ARAP2: variants seen among roughly 807,000 people sequenced by gnomAD.
The protein encoded by ARAP2 is ArfGAP with RhoGAP domain, ankyrin repeat and PH domain 2, also known as arf-GAP with Rho-GAP domain, ANK repeat and PH domain-containing protein 2.
ARAP2 carries 148 observed loss-of-function variants against 194.5 expected under a neutral mutation model. That is an observed-to-expected ratio of 0.76 (90% CI 0.67 to 0.87). The LOEUF is 0.87. Among genes scored for constraint, ARAP2 ranks in the 40% least tolerant of loss-of-function variants. The pLI is 0.00. For missense variants in ARAP2, 2,128 were observed against 1,989.7 expected (o/e 1.07, Z -1.32); for synonymous variants, 695 against 683.5 (o/e 1.02, Z -0.26).
At chr4:36,172,043 C>A (rs1482454201) in intron 9 of ARAP2, among the ~76,000 whole-genome samples, 1 of 152,034 alleles carries the variant, frequency 6.6e-6, no homozygotes, top group East Asian at 1.9e-4. Context: ...CACAAAAATT[C>A]AGTGGGTAGA....
At chr4:36,088,835 C>G (rs996207251) in intron 28 of ARAP2, among the ~76,000 whole-genome samples, 1 of 152,118 alleles carries the variant, frequency 6.6e-6, no homozygotes, top group Non-Finnish European at 1.5e-5. Context: ...AACATATTAA[C>G]AGATGTTAAA....
rs1553861946 is a variant in ARAP2, at chr4:36,014,324, G to GATAAAGAA, written n.1056+1061_1056+1062insTTCTTTAT. Reference sequence around the variant, plus strand: ...AGAGAAGGAAGGAAAGAAAGAAAGAGAGAAAGAAAGAAAGAAAGAAAGAAA... The same window carrying GATAAAGAA: ...AGAGAAGGAAGGAAAGAAAGAAAGAGATAAAGAAAGAAAGAAAGAAAGAAAGAAAGAAA... On this transcript the variant is annotated intron_variant and non_coding_transcript_variant, in intron 8 of 12. Coordinates refer to the ARAP2 transcript ENST00000503225. Among the ~76,000 whole-genome samples the GATAAAGAA allele has an allele frequency of 3.0e-4, 33 of 109,856 alleles. 2 individuals carry two copies. The highest frequency in any genetic ancestry group is 1.3e-3 in the African/African-American group (31 of 23,592). 72.1% of individuals were successfully genotyped at this position (109,856 alleles called of 152,430 possible). A position where few individuals can be genotyped will look rare whatever the true frequency, so the allele number is the denominator to read the frequency against.
intron 12 of ARAP2, 102 bp from the exon 13 acceptor site, chr4:36,160,743 T>C (rs61799597): frequency 0.065 from 65,088 of 1,004,806 alleles, 2,353 homozygotes; most frequent in East Asian, 0.15. Flanking sequence ...TAACTTAGTA[T>C]AAAATACAGG....
At chr4:36,036,848 C>T (rs547599772) in intron 5 of ARAP2, among the ~76,000 whole-genome samples, 147 of 152,230 alleles carry the variant, frequency 9.7e-4, no homozygotes, top group Middle Eastern at 3.4e-3. Context: ...CTATTAAATA[C>T]TTACATTTTA....
chr4:36,014,298 AAGAGAAGGAAG>A (rs1715257841), intron 8 of ARAP2, among the ~76,000 whole-genome samples: 5 of 129,614 alleles, frequency 3.9e-5, no homozygotes, highest in Non-Finnish European at 6.5e-5. Context: ...AGAAAGAAAG[AAGAGAAGGAAG>A]GAAAGAAAGA....
chr4:36,010,365 A>G (rs1510655), intron 9 of ARAP2, among the ~76,000 whole-genome samples: 66,102 of 151,800 alleles, frequency 0.44, 16,117 homozygotes, highest in African/African-American at 0.67. Flanking sequence ...ATTCTATACA[A>G]CGGTCTAGTC....
At chr4:36,232,587 T>C (rs879920303) in intron 1 of ARAP2, among the ~76,000 whole-genome samples, 1 of 152,252 alleles carries the variant, frequency 6.6e-6, no homozygotes, top group African/African-American at 2.4e-5. Context: ...TAGTCCACTC[T>C]TGTCAATTAT....
chr4:36,218,814 G>T (rs1260502564), intron 2 of ARAP2, among the ~76,000 whole-genome samples: 2 of 151,660 alleles, frequency 1.3e-5, no homozygotes, highest in African/African-American at 4.8e-5. Flanking sequence ...TTGTACAAGG[G>T]GTTTATACCC....
Position 36,159,324 on chromosome 4 carries a change from G to C in ARAP2, c.2617+7C>G, listed in dbSNP as rs535642772. 1.3e-6 allele frequency: 2 copies of C among 1,592,440 alleles called. No homozygotes were observed. Among genetic ancestry groups the C allele is most frequent in the South Asian group, 1.1e-5 (1 of 88,100 alleles). ...GAGACCAGGTTAATGAAGAGACAGT[G>C]ACGAACCTGAGAATTTGTTATGGTA... is the stretch of plus-strand genomic sequence containing the variant. On this transcript the variant is annotated splice_region_variant and intron_variant, in intron 14 of 32. Coordinates refer to ENST00000303965, the MANE Select transcript of ARAP2 (RefSeq NM_015230.4).
At chr4:36,116,414 A>G (rs1721316502) in intron 25 of ARAP2, among the ~76,000 whole-genome samples, 1 of 151,890 alleles carries the variant, frequency 6.6e-6, no homozygotes, top group Non-Finnish European at 1.5e-5. Context: ...ATCAGTTACT[A>G]TATGTAAGGC....
At chr4:36,140,336 T>C (rs1011337701) in intron 19 of ARAP2, among the ~76,000 whole-genome samples, 2 of 151,798 alleles carry the variant, frequency 1.3e-5, no homozygotes, top group African/African-American at 4.8e-5. Context: ...CTTTTGTTAA[T>C]AGACATACAT....
chr4:36,226,054 C>T (rs910971688), intron 2 of ARAP2, among the ~76,000 whole-genome samples: 3 of 151,936 alleles, frequency 2.0e-5, no homozygotes, highest in Non-Finnish European at 4.4e-5. Context: ...AATTTATTTG[C>T]TCATTTTATG....
intron 5 of ARAP2, among the ~76,000 whole-genome samples, chr4:36,027,334 C>T (rs1417778344): frequency 6.6e-6 from 1 of 151,838 alleles, no homozygotes; most frequent in Admixed American, 6.6e-5. Context: ...TCCATCTAAG[C>T]CCGTGCTCCT....
chr4:36,071,484 AGAAGTCACTTCCACCAT>A (rs1470647517), intron 32 of ARAP2, among the ~76,000 whole-genome samples: 1 of 152,158 alleles, frequency 6.6e-6, no homozygotes, highest in Admixed American at 6.5e-5. Context: ...AATTAACTTG[AGAAGTCACTTCCACCAT>A]GAAGCCTTCC....
intron 21 of ARAP2, 64 bp from the exon 22 acceptor site, chr4:36,125,031 T>C: frequency 9.4e-7 from 1 of 1,067,964 alleles, no homozygotes; most frequent in Admixed American, 1.9e-5. Flanking sequence ...GATTTGTCTA[T>C]CAGCAGTATT....
At chr4:36,169,594 G>A (rs940596062) in intron 9 of ARAP2, among the ~76,000 whole-genome samples, 5 of 149,444 alleles carry the variant, frequency 3.3e-5, no homozygotes, top group Admixed American at 1.3e-4. Flanking sequence ...GCAATGGCAC[G>A]ATCTCGGCTC....
chr4:36,118,692 C>T (rs923627546), intron 24 of ARAP2, among the ~76,000 whole-genome samples: 21 of 151,262 alleles, frequency 1.4e-4, no homozygotes, highest in African/African-American at 5.1e-4. Context: ...AGACTTCCTC[C>T]CCGCTCCCAA....
chr4:36,199,293 TA>T (rs1043251632), intron 6 of ARAP2, among the ~76,000 whole-genome samples: 5 of 152,306 alleles, frequency 3.3e-5, no homozygotes, highest in South Asian at 2.1e-4. Flanking sequence ...ATTTTAGAAT[TA>T]AAAAAAATTT....
At chr4:36,106,003 A>G (rs1296795771) in intron 27 of ARAP2, among the ~76,000 whole-genome samples, 1 of 151,982 alleles carries the variant, frequency 6.6e-6, no homozygotes, top group Non-Finnish European at 1.5e-5. Flanking sequence ...AACAGATATC[A>G]CAGATTATCT....
Sources: allele counts gnomAD v4.1 joint callset (sites outside exome capture counted in the v4.1 genomes callset), GRCh38; gene constraint gnomAD v4.1.1; transcripts MANE v1.5; gene names NCBI Gene and HGNC (gene_info 2026-07-23, HGNC 2026-07-21).